CBFA2T2: variants seen among roughly 807,000 people sequenced by gnomAD.
The protein encoded by CBFA2T2 is CBFA2/RUNX1 partner transcriptional co-repressor 2, also known as protein CBFA2T2.
Under a neutral mutation model 62.2 loss-of-function variants are expected in CBFA2T2, and 11 were observed. That is an observed-to-expected ratio of 0.18 (90% confidence interval 0.11 to 0.29). The LOEUF is 0.29. CBFA2T2 is among the 10% of genes least tolerant of loss of function. CBFA2T2 has a pLI of 1.00. For missense variants in CBFA2T2, 592 were observed against 774.1 expected, an observed-to-expected ratio of 0.76 and a Z score of 2.79; for synonymous variants, 295 against 287.5, an observed-to-expected ratio of 1.03 and a Z score of -0.27.
chr20:33,498,356 A>G (rs2011227104), intron 1 of CBFA2T2, among the ~76,000 whole-genome samples: 1 of 150,022 alleles, frequency 6.7e-6, no homozygotes, highest in Non-Finnish European at 1.5e-5. Flanking sequence ...GGGTCAAGCC[A>G]TTGTCCTGCC....
chr20:33,514,206 GTTTTTTTTT>G (rs1196003433), intron 1 of CBFA2T2, among the ~76,000 whole-genome samples: 12 of 53,348 alleles, frequency 2.2e-4, no homozygotes, highest in Non-Finnish European at 3.5e-4. Flanking sequence ...CCCTGCCTTT[GTTTTTTTTT>G]TTTTTTTTTT....
rs1171176813 is a variant in CBFA2T2 at position 33,545,226 on chromosome 20, C to A, written c.34+54925C>A. Among the ~76,000 whole-genome samples, 3 of 152,180 alleles carry A rather than the reference C, an allele frequency of 2.0e-5. No homozygotes were observed. The East Asian group carries it at 5.8e-4, about 29-fold the overall frequency. The stretch of plus-strand genomic sequence containing the variant: ...GGGTATGTTTTGAATCAACTGAAAA[C>A]TATAAAACATTAAATAGAAAAGCTG... On this transcript the variant is annotated intron_variant, in intron 1 of 10. Transcript: ENST00000342704.
Position 33,581,587 on chromosome 20 carries a change from T to C in CBFA2T2, c.35-25369T>C, listed in dbSNP as rs1176968876. ...GTTAGCCTATGTTTTAAAACTCACA[T>C]TTGGCAATGGTATCAACAGCTGTCA... On this transcript the variant is annotated intron_variant, in intron 1 of 10. Transcript: ENST00000342704. 2.0e-5 allele frequency among the ~76,000 whole-genome samples: 3 copies of C among 152,154 alleles called. No homozygotes were observed. In the East Asian group the frequency reaches 5.8e-4, roughly 29 times the overall value.
Position 33,570,657 on chromosome 20 carries a change from T to C in CBFA2T2, c.35-36299T>C, listed in dbSNP as rs530581460. On this transcript the variant is annotated intron_variant, in intron 1 of 10. Transcript: ENST00000342704. ...AGTACATGTGCTGTTAACCCTTCTT[T>C]CTGGTACTTAGGAAGAATGGGGGTT... is the stretch of plus-strand genomic sequence containing the variant. Among the ~76,000 whole-genome samples, 13 of 152,352 alleles carry C rather than the reference T, an allele frequency of 8.5e-5. No individual in the cohort carries two copies. The South Asian group carries it at 2.7e-3, about 32-fold the overall frequency.
intron 1 of CBFA2T2, among the ~76,000 whole-genome samples, chr20:33,598,433 T>G (rs886566700): frequency 3.2e-4 from 48 of 152,290 alleles, no homozygotes; most frequent in African/African-American, 1.0e-3. Context: ...TCAGTGATAT[T>G]TCTCCCATTT....
intron 1 of CBFA2T2, among the ~76,000 whole-genome samples, chr20:33,499,145 G>A (rs560627865): frequency 1.3e-5 from 2 of 152,304 alleles, no homozygotes; most frequent in Non-Finnish European, 2.9e-5. Flanking sequence ...TAGGCAGGAA[G>A]AATGGTTTAA....
intron 1 of CBFA2T2, among the ~76,000 whole-genome samples, chr20:33,519,464 T>C (rs926666090): frequency 3.9e-5 from 6 of 152,130 alleles, no homozygotes; most frequent in Non-Finnish European, 7.3e-5. Context: ...TGCGAGACTC[T>C]GTCTCAGAAA....
At chr20:33,500,559 A>G (rs113309268) in intron 1 of CBFA2T2, among the ~76,000 whole-genome samples, 1,734 of 152,124 alleles carry the variant, frequency 0.011, 36 homozygotes, top group African/African-American at 0.04. Context: ...AAAATACAAA[A>G]TTATTCAGCC....
At position 33,531,078 on chromosome 20, in the gene CBFA2T2, G is replaced by A. The variant is rs138914151; in HGVS notation, c.34+40777G>A. Among the ~76,000 whole-genome samples, 859 of 152,150 alleles carry A rather than the reference G, an allele frequency of 5.6e-3. 5 individuals carry two copies. Among genetic ancestry groups the A allele is most frequent in the African/African-American group, 0.019 (792 of 41,474 alleles). On this transcript the variant is annotated intron_variant, in intron 1 of 10. Coordinates refer to ENST00000342704, the MANE Select transcript of CBFA2T2 (RefSeq NM_001032999.3). ...AACCTGGGCAACAGAGCAAGACTCC[G>A]TCTCTAAATAAATAAACAAACAAAC...
At chr20:33,498,739 C>G (rs756265499) in intron 1 of CBFA2T2, among the ~76,000 whole-genome samples, 2 of 151,040 alleles carry the variant, frequency 1.3e-5, no homozygotes, top group Non-Finnish European at 2.9e-5. Flanking sequence ...GACCCTGTCT[C>G]AAAATAATAA....
chr20:33,503,732 G>A (rs1398760258), intron 1 of CBFA2T2, among the ~76,000 whole-genome samples: 5 of 151,926 alleles, frequency 3.3e-5, no homozygotes, highest in African/African-American at 7.3e-5. Context: ...ATGTTGCCCC[G>A]GCTGGCCTCG....
At chr20:33,514,930 G>C (rs1219200455) in intron 1 of CBFA2T2, among the ~76,000 whole-genome samples, 1 of 151,746 alleles carries the variant, frequency 6.6e-6, no homozygotes, top group Non-Finnish European at 1.5e-5. Context: ...CTAACCTTGT[G>C]ATCCGCCCGC....
At chr20:33,611,578 C>T (rs760268581) in intron 3 of CBFA2T2, among the ~76,000 whole-genome samples, 29 of 151,770 alleles carry the variant, frequency 1.9e-4, no homozygotes, top group Non-Finnish European at 2.8e-4. Flanking sequence ...TATGATGGTG[C>T]GAACACAGCT....
chr20:33,565,573 AGATTCACTCACT>A (rs1479418801), intron 1 of CBFA2T2, among the ~76,000 whole-genome samples: 1 of 152,244 alleles, frequency 6.6e-6, no homozygotes, highest in African/African-American at 2.4e-5. Flanking sequence ...TAGGATGTGA[AGATTCACTCACT>A]GTAAATAAAG....
chr20:33,630,185 C>T (rs1295644883), intron 8 of CBFA2T2, among the ~76,000 whole-genome samples: 3 of 152,140 alleles, frequency 2.0e-5, no homozygotes. Context: ...TGGCCTCAAG[C>T]AATCCTCCTG....
chr20:33,535,614 TTA>T (rs2012187387), intron 1 of CBFA2T2, among the ~76,000 whole-genome samples: 2 of 146,448 alleles, frequency 1.4e-5, no homozygotes, highest in African/African-American at 5.2e-5. Context: ...TTTTATTTTT[TTA>T]TTTTTTCTTT....
intron 7 of CBFA2T2, among the ~76,000 whole-genome samples, chr20:33,629,440 A>G (rs1376722781): frequency 6.6e-6 from 1 of 152,260 alleles, no homozygotes; most frequent in Non-Finnish European, 1.5e-5. Context: ...GCAACATGAA[A>G]TAGTAGACTG....
intron 1 of CBFA2T2, among the ~76,000 whole-genome samples, chr20:33,572,057 T>G (rs2013594483): frequency 6.6e-6 from 1 of 152,202 alleles, no homozygotes; most frequent in Admixed American, 6.5e-5. Flanking sequence ...CGGGCCTGGC[T>G]AATTTTTGCA....
intron 1 of CBFA2T2, among the ~76,000 whole-genome samples, chr20:33,571,731 A>C (rs1202590172): frequency 2.0e-5 from 3 of 152,182 alleles, no homozygotes; most frequent in Non-Finnish European, 4.4e-5. Flanking sequence ...TAATTCTTGG[A>C]GAATCTGTAA....
Sources: gnomAD v4.1 joint callset for allele counts (sites outside exome capture counted in the v4.1 genomes callset) on GRCh38, gnomAD v4.1.1 for gene constraint, MANE v1.5 for transcripts, NCBI Gene and HGNC (gene_info 2026-07-23, HGNC 2026-07-21) for gene names.